Variants in MAN1C1 observed in about 807,000 individuals in gnomAD.
MAN1C1 encodes the protein mannosyl-oligosaccharide 1,2-alpha-mannosidase IC.
In MAN1C1, 49 loss-of-function variants were observed where a neutral mutation model predicts 71.5. That is an observed-to-expected ratio of 0.69 (90% CI 0.54 to 0.87). The LOEUF (loss-of-function observed/expected upper bound fraction) is 0.87. Ranked by LOEUF, MAN1C1 falls within the 40% of genes least tolerant of loss-of-function variation. The pLI, the probability that MAN1C1 is intolerant of heterozygous loss-of-function variation, is 0.00. For missense variants in MAN1C1, 743 were observed against 835.0 expected (o/e 0.89, Z 1.36); for synonymous variants, 352 against 343.7 (o/e 1.02, Z -0.27).
chr1:25,781,320 G>A (rs2047691713), intron 10 of MAN1C1: 1 of 570,650 alleles, frequency 1.8e-6, no homozygotes, highest in South Asian at 2.2e-5. Flanking sequence ...GGACAGGCCA[G>A]ACTTGTGAAG....
chr1:25,765,104 A>G (rs2047410829), intron 7 of MAN1C1, among the ~76,000 whole-genome samples: 1 of 152,204 alleles, frequency 6.6e-6, no homozygotes, highest in African/African-American at 2.4e-5. Flanking sequence ...TACAAGAATC[A>G]GTCCCAGAGT....
intron 2 of MAN1C1, among the ~76,000 whole-genome samples, chr1:25,716,243 G>A (rs2046678995): frequency 6.6e-6 from 1 of 152,186 alleles, no homozygotes; most frequent in South Asian, 2.1e-4. Context: ...GGAAATTGAA[G>A]GAGAATGGAT....
In MAN1C1 at chr1:25,656,095, C is replaced by CTTTTTTTTTTTTTTTTTTTTTT. The variant is rs59710145; in HGVS notation, c.541-30344_541-30323dup. Among the ~76,000 whole-genome samples, 23 of 74,978 alleles carry CTTTTTTTTTTTTTTTTTTTTTT rather than the reference C, an allele frequency of 3.1e-4. 6 individuals are homozygous for CTTTTTTTTTTTTTTTTTTTTTT. The highest frequency in any genetic ancestry group is 1.4e-3 in the African/African-American group (17 of 12,208). The allele number at this position is 74,978 out of a possible 152,430, so 49.2% of individuals were successfully genotyped here. A position where few individuals can be genotyped will look rare whatever the true frequency, so the allele number is the denominator to read the frequency against. On this transcript the variant is annotated intron_variant, in intron 1 of 11. Transcript: ENST00000374332. ...TATGTCTTAGGTTGGGATTATCAGT[C>CTTTTTTTTTTTTTTTTTTTTTT]TTTTTTTTTTTTTTTTTTTTTTGAG...
chr1:25,669,296 C>G (rs1053270560), intron 1 of MAN1C1, among the ~76,000 whole-genome samples: 1 of 152,176 alleles, frequency 6.6e-6, no homozygotes, highest in African/African-American at 2.4e-5. Context: ...GTATTCAGTT[C>G]TTGGGCACAC....
intron 2 of MAN1C1, among the ~76,000 whole-genome samples, chr1:25,715,186 T>G (rs1040501118): frequency 6.6e-6 from 1 of 152,194 alleles, no homozygotes; most frequent in African/African-American, 2.4e-5. Context: ...TGTTTCAGTT[T>G]AAGCCCAAAA....
At chr1:25,766,760 G>A (rs186387403) in intron 7 of MAN1C1, among the ~76,000 whole-genome samples, 3 of 152,202 alleles carry the variant, frequency 2.0e-5, no homozygotes, top group South Asian at 2.1e-4. Context: ...CCCTCGGTGC[G>A]GCACCTGAGT....
At chr1:25,771,621 A>T (rs748961926) in intron 7 of MAN1C1, 36 bp from the exon 8 acceptor site, 1 of 1,529,120 alleles carries the variant, frequency 6.5e-7, no homozygotes, top group South Asian at 1.1e-5. Flanking sequence ...CCGGCGGCAG[A>T]TGGAGATAAT....
At chr1:25,676,163 C>G (rs528645323) in intron 1 of MAN1C1, among the ~76,000 whole-genome samples, 3 of 152,160 alleles carry the variant, frequency 2.0e-5, no homozygotes, top group African/African-American at 7.2e-5. Context: ...AGACAGGATG[C>G]GATTCCTGAG....
intron 6 of MAN1C1, 150 bp downstream of exon 6, chr1:25,758,859 A>C: frequency 1.4e-6 from 1 of 706,840 alleles, no homozygotes; most frequent in Middle Eastern, 2.4e-4. Flanking sequence ...AAGGTAGCAA[A>C]TAGTAGCTAC....
intron 1 of MAN1C1, among the ~76,000 whole-genome samples, chr1:25,668,547 T>TTTTC (rs71014380): frequency 0.29 from 42,245 of 146,136 alleles, 7,244 homozygotes; most frequent in African/African-American, 0.47. Flanking sequence ...AGCCTTCTAC[T>TTTTC]TTTCTTTCTT....
chr1:25,748,513 G>A (rs2047169060), intron 3 of MAN1C1, among the ~76,000 whole-genome samples: 1 of 152,194 alleles, frequency 6.6e-6, no homozygotes, highest in East Asian at 1.9e-4. Context: ...CTGCACGGGA[G>A]GGGTTGGCAG....
At chr1:25,727,534 G>A (rs1487930536) in intron 2 of MAN1C1, among the ~76,000 whole-genome samples, 1 of 152,190 alleles carries the variant, frequency 6.6e-6, no homozygotes, top group Non-Finnish European at 1.5e-5. Flanking sequence ...AGAGGCTGGG[G>A]GTGAGCATTC....
chr1:25,709,870 C>T (rs1432287009), intron 2 of MAN1C1: 4 of 152,128 alleles, frequency 2.6e-5, no homozygotes, highest in East Asian at 1.9e-4. Context: ...CTCAGCCTCC[C>T]GAGTAGCTAG....
chr1:25,634,185 A>T lies in MAN1C1; in HGVS notation c.540+15848A>T, dbSNP rs150254319. Among the ~76,000 whole-genome samples, 67 of 152,278 alleles carry T rather than the reference A, an allele frequency of 4.4e-4. No individual in the cohort carries two copies. Among genetic ancestry groups the T allele is most frequent in the African/African-American group, 1.6e-3 (65 of 41,548 alleles). ...ATGTTGTCTATGTCAAGACAGTCTT[A>T]CTTCTTCCTTTACAGTTTATATGCT... is the stretch of plus-strand genomic sequence containing the variant. On this transcript the variant is annotated intron_variant, in intron 1 of 11. Transcript: ENST00000374332. This position sits in a 1 kb window ranked among gnomAD's most constrained non-coding sequence, Gnocchi z 4.6.
At chr1:25,629,268 A>T (rs2045345172) in intron 1 of MAN1C1, among the ~76,000 whole-genome samples, 1 of 151,798 alleles carries the variant, frequency 6.6e-6, no homozygotes, top group Admixed American at 6.6e-5. Flanking sequence ...TTGTTTTTTG[A>T]CTTTTTAGTA....
At chr1:25,647,202 G>A (rs2045627222) in intron 1 of MAN1C1, among the ~76,000 whole-genome samples, 1 of 152,202 alleles carries the variant, frequency 6.6e-6, no homozygotes, top group African/African-American at 2.4e-5. Context: ...GCATTCACAA[G>A]TGCAGCTGGG....
intron 2 of MAN1C1, among the ~76,000 whole-genome samples, chr1:25,745,696 G>A (rs1020323369): frequency 2.0e-5 from 3 of 152,142 alleles, no homozygotes; most frequent in Non-Finnish European, 2.9e-5. Context: ...GGATTGGCAC[G>A]GTTGATTTTT....
At chr1:25,763,736 T>C (rs2047391173) in intron 6 of MAN1C1, 138 bp from the exon 7 acceptor site, 1 of 701,478 alleles carries the variant, frequency 1.4e-6, no homozygotes, top group Non-Finnish European at 2.5e-6. Flanking sequence ...CTGCAGTCCG[T>C]TGGGCAGCTC....
intron 2 of MAN1C1, among the ~76,000 whole-genome samples, chr1:25,737,209 T>C (rs1319816499): frequency 2.0e-5 from 3 of 152,222 alleles, no homozygotes; most frequent in Non-Finnish European, 4.4e-5. Context: ...TGTTTTCCAA[T>C]GAGGAGCTGT....
Sources: allele counts gnomAD v4.1 joint callset (sites outside exome capture counted in the v4.1 genomes callset), GRCh38; gene constraint gnomAD v4.1.1; non-coding constraint Gnocchi (gnomAD v3.1); transcripts MANE v1.5; gene names NCBI Gene and HGNC (gene_info 2026-07-23, HGNC 2026-07-21).